TMEM114: variants seen among roughly 807,000 people sequenced by gnomAD.
The protein encoded by TMEM114 is transmembrane protein 114, also known as claudin-26.
Under a neutral mutation model 6.2 loss-of-function variants are expected in TMEM114, and 6 were observed. The observed-to-expected ratio is 0.97, with a 90% confidence interval of 0.53 to 1.91. The LOEUF is 1.91. Ranked by LOEUF, TMEM114 falls within the 40% of genes most tolerant of loss-of-function variation. The pLI is 0.01. For synonymous variants in TMEM114, 104 were observed against 73.0 expected (o/e 1.42, Z -2.16); for missense variants, 218 against 158.3 (o/e 1.38, Z -2.02).
intron 2 of TMEM114, among the ~76,000 whole-genome samples, chr16:8,578,370 G>T (rs1365168210): frequency 6.6e-6 from 1 of 152,088 alleles, no homozygotes; most frequent in Non-Finnish European, 1.5e-5. Flanking sequence ...AATCTGTGAT[G>T]CTCCCTGGCT....
chr16:8,551,018 G>T (rs1363761640), intron 2 of TMEM114, among the ~76,000 whole-genome samples: 1 of 152,234 alleles, frequency 6.6e-6, no homozygotes, highest in African/African-American at 2.4e-5. Context: ...CGAGTTCAAA[G>T]TCTAGCAAAG....
chr16:8,564,094 T>A (rs569770030), intron 2 of TMEM114, among the ~76,000 whole-genome samples: 9 of 150,888 alleles, frequency 6.0e-5, no homozygotes, highest in Admixed American at 6.6e-5. Flanking sequence ...AGTGAGTGAG[T>A]GAATGAGTGA....
intron 2 of TMEM114, among the ~76,000 whole-genome samples, chr16:8,581,844 T>C (rs546520738): frequency 6.2e-4 from 94 of 152,334 alleles, no homozygotes; most frequent in African/African-American, 2.1e-3. Context: ...AGCCTGAAGC[T>C]CAGGCCCTTG....
chr16:8,579,844 C>T, intron 2 of TMEM114, among the ~76,000 whole-genome samples: 1 of 152,144 alleles, frequency 6.6e-6, no homozygotes, highest in East Asian at 1.9e-4. Context: ...AATGAGATTA[C>T]AAAAGAAGTG....
intron 2 of TMEM114, among the ~76,000 whole-genome samples, chr16:8,585,128 G>T (rs930543767): frequency 1.3e-5 from 2 of 152,066 alleles, no homozygotes; most frequent in Admixed American, 1.3e-4. Flanking sequence ...TTGTGCAGGG[G>T]AACCCCCTTT....
intron 2 of TMEM114, among the ~76,000 whole-genome samples, chr16:8,585,819 C>T (rs993132745): frequency 6.6e-6 from 1 of 152,096 alleles, no homozygotes; most frequent in Non-Finnish European, 1.5e-5. Flanking sequence ...AATAACCTTA[C>T]AAAAAGAGAT....
intron 3 of TMEM114, among the ~76,000 whole-genome samples, chr16:8,570,546 G>T (rs1419381695): frequency 6.6e-6 from 1 of 152,170 alleles, no homozygotes; most frequent in African/African-American, 2.4e-5. Context: ...TGGCCAGACT[G>T]GTCTCAAACT....
chr16:8,534,869 G>A (rs969469732), downstream of TMEM114, among the ~76,000 whole-genome samples: 2 of 152,242 alleles, frequency 1.3e-5, no homozygotes, highest in African/African-American at 4.8e-5. Context: ...TTATTACTGT[G>A]TCTTCCCCAT....
chr16:8,572,424 T>G, intron 2 of TMEM114, 200 bp from the exon 3 acceptor site: 1 of 628,854 alleles, frequency 1.6e-6, no homozygotes, highest in Non-Finnish European at 2.8e-6. Flanking sequence ...CAAGGCTGTG[T>G]GCTTTGTTCT....
chr16:8,582,107 T>C (rs984584987), intron 2 of TMEM114, among the ~76,000 whole-genome samples: 13 of 152,190 alleles, frequency 8.5e-5, no homozygotes, highest in Non-Finnish European at 1.3e-4. Flanking sequence ...AAATCCAATC[T>C]TGTGATTTTT....
At chr16:8,548,601 C>T (rs182505772) in intron 2 of TMEM114, among the ~76,000 whole-genome samples, 5 of 151,550 alleles carry the variant, frequency 3.3e-5, no homozygotes, top group Admixed American at 2.6e-4. Flanking sequence ...CCTTTTTCAC[C>T]CCCTAAGAGC....
chr16:8,541,798 G>C (rs893870979), intron 2 of TMEM114, among the ~76,000 whole-genome samples: 1 of 152,218 alleles, frequency 6.6e-6, no homozygotes, highest in African/African-American at 2.4e-5. Flanking sequence ...TTACTTGGCA[G>C]AGGGTTCCAC....
At chr16:8,589,044 G>A in intron 2 of TMEM114, among the ~76,000 whole-genome samples, 169 bp downstream of exon 2, 1 of 152,194 alleles carries the variant, frequency 6.6e-6, no homozygotes, top group Non-Finnish European at 1.5e-5. Context: ...TGGATCAGGA[G>A]AGACCCTGCC....
Position 8,563,842 on chromosome 16 carries a change from G to T in TMEM114, n.212+25371C>A, listed in dbSNP as rs1444883566. On this transcript the variant is annotated intron_variant and non_coding_transcript_variant, in intron 2 of 2. Coordinates refer to the TMEM114 transcript ENST00000623677. ...GTGAGTGAGTGAATGAGTGAGGGAG[G>T]GAGGGAGGGAGGGAGGGAATGAGTG... is the stretch of plus-strand genomic sequence containing the variant. Among the ~76,000 whole-genome samples the T allele has an allele frequency of 3.7e-3, 497 of 132,760 alleles. 2 individuals are homozygous for T. The highest frequency in any genetic ancestry group is 0.025 in the Middle Eastern group (4 of 162). The allele number at this position is 132,760 out of a possible 152,430, so 87.1% of individuals were successfully genotyped here.
At chr16:8,538,206 G>A (rs576988178) in intron 2 of TMEM114, among the ~76,000 whole-genome samples, 132 of 151,508 alleles carry the variant, frequency 8.7e-4, no homozygotes, top group African/African-American at 3.0e-3. Context: ...TCAGGAGGCT[G>A]AAGTAGGAGG....
At chr16:8,581,809 T>G (rs1902160949) in intron 2 of TMEM114, among the ~76,000 whole-genome samples, 1 of 152,246 alleles carries the variant, frequency 6.6e-6, no homozygotes, top group African/African-American at 2.4e-5. Context: ...TGGCCTTTAT[T>G]TTTTAATGGG....
chr16:8,550,114 C>A (rs1002705528), intron 2 of TMEM114, among the ~76,000 whole-genome samples: 1 of 152,178 alleles, frequency 6.6e-6, no homozygotes, highest in Non-Finnish European at 1.5e-5. Context: ...AAGATGAAGG[C>A]CAGAAGACTC....
chr16:8,535,868 G>T (rs28547092), downstream of TMEM114, among the ~76,000 whole-genome samples: 37,331 of 152,132 alleles, frequency 0.25, 4,687 homozygotes, highest in Middle Eastern at 0.35. Context: ...GGCTCTTTGG[G>T]TCGATCCTGA....
intron 2 of TMEM114, among the ~76,000 whole-genome samples, chr16:8,550,527 A>C (rs1900806747): frequency 6.6e-6 from 1 of 151,876 alleles, no homozygotes; most frequent in African/African-American, 2.4e-5. Flanking sequence ...AAAAATACAA[A>C]ATTAGCCTGG....
Sources: gnomAD v4.1 joint callset for allele counts (sites outside exome capture counted in the v4.1 genomes callset) on GRCh38, gnomAD v4.1.1 for gene constraint, MANE v1.5 for transcripts, NCBI Gene and HGNC (gene_info 2026-07-23, HGNC 2026-07-21) for gene names.